Variants in SPEF2 observed in about 807,000 individuals in gnomAD.
SPEF2 encodes sperm flagella and cilia-associated protein 2.
Under a neutral mutation model 224.6 loss-of-function variants are expected in SPEF2, and 187 were observed. That is an observed-to-expected ratio of 0.83 (90% CI 0.74 to 0.94). SPEF2 has a LOEUF of 0.94. Ranked by LOEUF, SPEF2 falls within the 40% of genes least tolerant of loss-of-function variation. SPEF2 has a pLI of 0.00. For missense variants in SPEF2, 2,170 were observed against 2,135.6 expected (o/e 1.02, Z -0.32); for synonymous variants, 715 against 707.3 (o/e 1.01, Z -0.17).
At chr5:35,705,374 G>A (rs1739540801) in intron 17 of SPEF2, among the ~76,000 whole-genome samples, 3 of 151,964 alleles carry the variant, frequency 2.0e-5, no homozygotes, top group Admixed American at 6.6e-5. Context: ...CACAGATGAT[G>A]TTTTCTTAGA....
At chr5:35,683,278 C>G (rs1753093921) in intron 10 of SPEF2, among the ~76,000 whole-genome samples, 1 of 152,056 alleles carries the variant, frequency 6.6e-6, no homozygotes, top group Non-Finnish European at 1.5e-5. Flanking sequence ...ACTATGGTTC[C>G]AGGAATTCAG....
intron 21 of SPEF2, among the ~76,000 whole-genome samples, chr5:35,733,033 T>G (rs974119650): frequency 2.0e-5 from 3 of 152,218 alleles, no homozygotes; most frequent in Admixed American, 6.5e-5. Context: ...AGGCATCCCC[T>G]GTGGGTCTGG....
In SPEF2 at chr5:35,779,176, A is replaced by G. The variant is rs747557100; in HGVS notation, c.4277A>G (p.Asn1426Ser). The change falls in exon 30 of 37, where the codon AAT (asparagine) becomes AGT (serine). Residue 1426 changes from asparagine to serine, a missense_variant. Asn to Ser is a conservative substitution (Grantham distance 46). Transcript: ENST00000356031. ...YHIETSTKIQNELYLSQEDFF... is the reference protein window; with the variant it reads ...YHIETSTKIQSELYLSQEDFF... ...ATTGAAACATCTACAAAAATTCAGA[A>G]TGAACTTTATTTAAGCCAAGAAGAC... is the stretch of plus-strand genomic sequence containing the variant. 7 of 1,613,878 alleles carry G rather than the reference A, an allele frequency of 4.3e-6. No individual in the cohort carries two copies. In the Middle Eastern group the frequency reaches 9.9e-4, roughly 228 times the overall value.
At chr5:35,653,946 CAAA>C (rs67527515) in intron 6 of SPEF2, among the ~76,000 whole-genome samples, 930 of 87,998 alleles carry the variant, frequency 0.011, 19 homozygotes, top group African/African-American at 0.037. Flanking sequence ...GACTCTGTCT[CAAA>C]AAAAAAAAAA....
At chr5:35,622,372 C>T (rs2149356401) in intron 1 of SPEF2, among the ~76,000 whole-genome samples, 1 of 152,168 alleles carries the variant, frequency 6.6e-6, no homozygotes, top group South Asian at 2.1e-4. Flanking sequence ...ATAAAAAAAT[C>T]CCATTGAATA....
In SPEF2 at chr5:35,697,792, AAG is replaced by A. The variant is rs1755544159; in HGVS notation, c.2141_2141+1del. 4 of 1,597,870 alleles carry A rather than the reference AAG, an allele frequency of 2.5e-6. No individual in the cohort carries two copies. The African/African-American group carries it at 5.4e-5, about 21-fold the overall frequency. On this transcript the variant is annotated splice_donor_variant and coding_sequence_variant, in exon 15 of 37. Transcript: ENST00000356031. LOFTEE classifies it high-confidence loss of function. ...TGTTGACATCATAGTAAATGCTATTAAGTATGTATTGCATTTTTCTTCCTCTC... is the reference window on the plus strand; with the variant it reads ...TGTTGACATCATAGTAAATGCTATTATATGTATTGCATTTTTCTTCCTCTC...
At chr5:35,788,893 G>C in intron 30 of SPEF2, 1 of 702,910 alleles carries the variant, frequency 1.4e-6, no homozygotes, top group South Asian at 1.5e-5. Context: ...AGAGTGCTCT[G>C]AGAACTGCTT....
intron 26 of SPEF2, among the ~76,000 whole-genome samples, chr5:35,768,263 CACA>C (rs943039960): frequency 2.6e-5 from 4 of 151,888 alleles, no homozygotes; most frequent in African/African-American, 9.7e-5. Flanking sequence ...TAGCAGAGAC[CACA>C]ACAAGTACCA....
intron 21 of SPEF2, among the ~76,000 whole-genome samples, chr5:35,738,689 T>C (rs986244585): frequency 4.0e-5 from 6 of 151,584 alleles, no homozygotes; most frequent in African/African-American, 9.7e-5. Flanking sequence ...GTCAGAGTTG[T>C]GCAAGCTGAA....
At chr5:35,703,490 G>A (rs1739110234) in intron 16 of SPEF2, among the ~76,000 whole-genome samples, 1 of 152,042 alleles carries the variant, frequency 6.6e-6, no homozygotes, top group Admixed American at 6.6e-5. Flanking sequence ...AGGAGTATAG[G>A]TCTTTAGGAT....
chr5:35,809,807 C>T (rs1028392269), intron 36 of SPEF2, among the ~76,000 whole-genome samples: 4 of 152,130 alleles, frequency 2.6e-5, no homozygotes, highest in East Asian at 3.9e-4. Context: ...TCCTGCACAA[C>T]GTGGATTCCA....
At chr5:35,673,877 G>A (rs1751526671) in intron 10 of SPEF2, among the ~76,000 whole-genome samples, 1 of 152,096 alleles carries the variant, frequency 6.6e-6, no homozygotes, top group African/African-American at 2.4e-5. Flanking sequence ...CACATGTATG[G>A]ACACCTATCC....
At chr5:35,729,842 C>T (rs1745333602) in intron 21 of SPEF2, among the ~76,000 whole-genome samples, 1 of 152,076 alleles carries the variant, frequency 6.6e-6, no homozygotes, top group Non-Finnish European at 1.5e-5. Context: ...CAGGGGTTTC[C>T]GCTTTTGCTT....
intron 24 of SPEF2, among the ~76,000 whole-genome samples, chr5:35,754,990 C>G (rs1221118736): frequency 6.6e-6 from 1 of 152,218 alleles, no homozygotes; most frequent in Non-Finnish European, 1.5e-5. Context: ...ATTCATGGCT[C>G]AGGCATAGGC....
At chr5:35,637,432 TTGTC>T (rs1334044712) in intron 2 of SPEF2, among the ~76,000 whole-genome samples, 5 of 152,208 alleles carry the variant, frequency 3.3e-5, no homozygotes, top group Non-Finnish European at 5.9e-5. Context: ...TTATTTTTGT[TTGTC>T]TGAAATGATA....
chr5:35,773,856 T>C lies in SPEF2; in HGVS notation c.3950-37T>C, dbSNP rs781269347. Reference sequence around the variant, plus strand: ...AGTACTATGTGCACACCTTTGTATTTTGTTAGTTTACTCAGCATGTTTCAT... The same window carrying C: ...AGTACTATGTGCACACCTTTGTATTCTGTTAGTTTACTCAGCATGTTTCAT... On this transcript the variant is annotated intron_variant, in intron 27 of 36. Transcript: ENST00000356031. 8 of 1,594,822 alleles carry C rather than the reference T, an allele frequency of 5.0e-6. No individual in the cohort carries two copies. In the African/African-American group the frequency reaches 9.5e-5, roughly 19 times the overall value.
At position 35,654,566 on chromosome 5, in the gene SPEF2, C is replaced by T; in HGVS notation, c.818C>T (p.Ala273Val). The change falls in exon 7 of 37, where the codon GCA (alanine) becomes GTA (valine). Residue 273 changes from alanine to valine, a missense_variant. Coordinates refer to ENST00000356031, the MANE Select transcript of SPEF2 (RefSeq NM_024867.4). ...ESASKTSLDT[A>V]GQTTTDLLNT... ...GCATCCAAGACTTCTTTAGATACAG[C>T]AGGCCAGACAACCACCGATTTGTTA... 1 of 1,600,236 alleles carries T rather than the reference C, an allele frequency of 6.2e-7. No homozygotes were observed. Among genetic ancestry groups the T allele is most frequent in the Non-Finnish European group, 8.5e-7 (1 of 1,176,166 alleles).
intron 2 of SPEF2, among the ~76,000 whole-genome samples, chr5:35,634,926 A>G (rs1745621041): frequency 6.6e-6 from 1 of 151,984 alleles, no homozygotes; most frequent in Admixed American, 6.5e-5. Context: ...GATCCCATCA[A>G]GCATATCATA....
At chr5:35,804,271 G>A (rs1392739948) in intron 34 of SPEF2, among the ~76,000 whole-genome samples, 2 of 152,208 alleles carry the variant, frequency 1.3e-5, no homozygotes, top group African/African-American at 2.4e-5. Flanking sequence ...GGACACATTT[G>A]TTGGGAGTCC....
Sources: allele counts gnomAD v4.1 joint callset (sites outside exome capture counted in the v4.1 genomes callset), GRCh38; gene constraint gnomAD v4.1.1; transcripts MANE v1.5; gene names NCBI Gene and HGNC (gene_info 2026-07-23, HGNC 2026-07-21).